Variants in TBC1D30 observed in about 807,000 individuals in gnomAD.
TBC1D30 encodes the protein TBC1 domain family member 30, also known as TBC1 domain family, member 30.
In TBC1D30, 31 loss-of-function variants were observed where a neutral mutation model predicts 63.2. The observed-to-expected ratio is 0.49, with a 90% confidence interval of 0.37 to 0.66. The LOEUF (loss-of-function observed/expected upper bound fraction) is 0.66, where lower values mean the gene tolerates loss of function less well. TBC1D30 is among the 30% of genes least tolerant of loss of function. TBC1D30 has a pLI of 0.00. For missense variants in TBC1D30, 810 were observed against 953.6 expected, an observed-to-expected ratio of 0.85 and a Z score of 1.98; for synonymous variants, 307 against 361.5, an observed-to-expected ratio of 0.85 and a Z score of 1.71.
chr12:64,812,798 C>A (rs568660380), intron 2 of TBC1D30, among the ~76,000 whole-genome samples: 4 of 150,260 alleles, frequency 2.7e-5, no homozygotes, highest in African/African-American at 7.4e-5. Flanking sequence ...CCAGTGGCTA[C>A]GGAGTAATTA....
At chr12:64,836,272 G>A (rs1875341913) in intron 5 of TBC1D30, among the ~76,000 whole-genome samples, 1 of 152,214 alleles carries the variant, frequency 6.6e-6, no homozygotes, top group South Asian at 2.1e-4. Context: ...GACAGCAGCG[G>A]ACTTGGGGTC....
intron 1 of TBC1D30, among the ~76,000 whole-genome samples, chr12:64,826,592 T>C (rs1485256776): frequency 6.6e-6 from 1 of 152,152 alleles, no homozygotes; most frequent in Non-Finnish European, 1.5e-5. Context: ...TGGCCGTTGT[T>C]ATCACCGTTC....
rs1270089464 is a variant in TBC1D30 at position 64,864,700 on chromosome 12, A to G, written c.1071A>G (p.Pro357=). Residue 357 remains proline (P), a synonymous_variant, in exon 9 of 12, where the codon CCA becomes CCG. Coordinates refer to ENST00000539867, the MANE Select transcript of TBC1D30 (RefSeq NM_015279.2). ...ATTCCATGGCTCCGTTCCCTTTCCC[A>G]CAATTGGCAGAGTTGAGGGAAAAAT... ...TVYSMAPFPF[P]QLAELREKYT... is the part of the protein sequence containing the mutation. 1 of 1,536,372 alleles carries G rather than the reference A, an allele frequency of 6.5e-7. No individual in the cohort carries two copies. Among genetic ancestry groups the G allele is most frequent in the Middle Eastern group, 1.7e-4 (1 of 5,990 alleles).
At chr12:64,764,434 T>G (rs1274392603) in intron 1 of TBC1D30, among the ~76,000 whole-genome samples, 2 of 152,212 alleles carry the variant, frequency 1.3e-5, no homozygotes, top group Non-Finnish European at 2.9e-5. Context: ...ACTTAACGTT[T>G]AATAACCTCA....
intron 8 of TBC1D30, among the ~76,000 whole-genome samples, chr12:64,860,202 G>A (rs1877669199): frequency 2.0e-5 from 3 of 151,954 alleles, no homozygotes; most frequent in Admixed American, 6.6e-5. Context: ...ATTTTTTGTA[G>A]AGATGGGGTT....
chr12:64,829,708 A>T (rs1004658154), intron 3 of TBC1D30, among the ~76,000 whole-genome samples: 1 of 152,244 alleles, frequency 6.6e-6, no homozygotes, highest in African/African-American at 2.4e-5. Flanking sequence ...CTTGAAATAC[A>T]CACTTAGGAT....
rs577768768 is a variant in TBC1D30 at position 64,845,454 on chromosome 12, C to T, written c.1038+1969C>T. 1.2e-4 allele frequency among the ~76,000 whole-genome samples: 19 copies of T among 152,228 alleles called. No homozygotes were observed. In the East Asian group the frequency reaches 1.9e-3, roughly 16 times the overall value. ...AACAATTGCTCCTGGGGGCTGAGCGCGGTGGCTCATGCCTGTAATCCCAGC... is the reference window on the plus strand; with the variant it reads ...AACAATTGCTCCTGGGGGCTGAGCGTGGTGGCTCATGCCTGTAATCCCAGC... On this transcript the variant is annotated intron_variant, in intron 8 of 11. Coordinates refer to ENST00000539867, the MANE Select transcript of TBC1D30 (RefSeq NM_015279.2).
intron 1 of TBC1D30, chr12:64,825,640 T>C (rs1874268497): frequency 6.6e-6 from 1 of 152,546 alleles, no homozygotes; most frequent in Non-Finnish European, 1.5e-5. Context: ...GCAAGGCCCT[T>C]CCCACTGTCA....
intron 4 of TBC1D30, among the ~76,000 whole-genome samples, chr12:64,830,809 T>C (rs1874788895): frequency 6.6e-6 from 1 of 152,242 alleles, no homozygotes; most frequent in Admixed American, 6.5e-5. Context: ...TGGATTTTTA[T>C]ATAAAAGTCA....
upstream of TBC1D30, among the ~76,000 whole-genome samples, chr12:64,822,864 A>G (rs1349827784): frequency 6.6e-6 from 1 of 152,046 alleles, no homozygotes; most frequent in Non-Finnish European, 1.5e-5. Context: ...AAAATGTTTC[A>G]GGGTCATCTT....
chr12:64,780,177 A>G (rs1479745763), upstream of TBC1D30, among the ~76,000 whole-genome samples: 1 of 152,238 alleles, frequency 6.6e-6, no homozygotes, highest in Non-Finnish European at 1.5e-5. Flanking sequence ...TCACAGCGTT[A>G]TTAAGTCCCA....
At chr12:64,861,678 T>C (rs1442364091) in intron 8 of TBC1D30, among the ~76,000 whole-genome samples, 2 of 152,184 alleles carry the variant, frequency 1.3e-5, no homozygotes, top group African/African-American at 4.8e-5. Context: ...GATTACATAA[T>C]GTACCTGGAT....
intron 8 of TBC1D30, among the ~76,000 whole-genome samples, chr12:64,846,029 T>C (rs1299107067): frequency 6.6e-6 from 1 of 151,950 alleles, no homozygotes; most frequent in African/African-American, 2.4e-5. Context: ...GCTATTCAGA[T>C]CTTTTGCCCA....
At chr12:64,821,961 A>G (rs1485744015), upstream of TBC1D30, among the ~76,000 whole-genome samples, 5 of 152,124 alleles carry the variant, frequency 3.3e-5, no homozygotes, top group African/African-American at 4.8e-5. Flanking sequence ...GGCAGCTACA[A>G]CTGAATAGCT....
At chr12:64,806,294 A>G (rs1240708893) in intron 2 of TBC1D30, among the ~76,000 whole-genome samples, 1 of 152,230 alleles carries the variant, frequency 6.6e-6, no homozygotes, top group African/African-American at 2.4e-5. Context: ...TAGTTAGGAA[A>G]TGAGAGCCTC....
intron 5 of TBC1D30, among the ~76,000 whole-genome samples, chr12:64,832,845 C>T (rs1241509545): frequency 6.6e-6 from 1 of 152,148 alleles, no homozygotes; most frequent in African/African-American, 2.4e-5. Flanking sequence ...TTTTATAGTT[C>T]CTTGCCATGT....
chr12:64,835,767 A>T (rs1478595944), intron 5 of TBC1D30, among the ~76,000 whole-genome samples: 1 of 152,176 alleles, frequency 6.6e-6, no homozygotes, highest in Non-Finnish European at 1.5e-5. Context: ...TTTGTTGGTA[A>T]GAGTTTGGTG....
intron 7 of TBC1D30, among the ~76,000 whole-genome samples, chr12:64,839,519 A>C (rs949813129): frequency 6.6e-6 from 1 of 152,242 alleles, no homozygotes; most frequent in African/African-American, 2.4e-5. Context: ...CTTATAGTTA[A>C]GAAGCAGTGA....
intron 2 of TBC1D30, among the ~76,000 whole-genome samples, chr12:64,806,891 A>G (rs1872904318): frequency 6.6e-6 from 1 of 152,250 alleles, no homozygotes; most frequent in Non-Finnish European, 1.5e-5. Context: ...ACATGGATTA[A>G]CCTTGAGAAC....
Sources: gnomAD v4.1 joint callset for allele counts (sites outside exome capture counted in the v4.1 genomes callset) on GRCh38, gnomAD v4.1.1 for gene constraint, MANE v1.5 for transcripts, NCBI Gene and HGNC (gene_info 2026-07-23, HGNC 2026-07-21) for gene names.